MBD1: variants seen among roughly 807,000 people sequenced by gnomAD.
The protein encoded by MBD1 is methyl-CpG binding domain protein 1, also known as methyl-CpG-binding domain protein 1.
MBD1 carries 25 observed loss-of-function variants against 82.6 expected under a neutral mutation model. That is an observed-to-expected ratio of 0.30 (90% CI 0.22 to 0.42). The LOEUF (loss-of-function observed/expected upper bound fraction) is 0.42, where lower values mean the gene tolerates loss of function less well. Ranked by LOEUF, MBD1 falls within the 10% of genes least tolerant of loss-of-function variation. MBD1 has a pLI of 1.00. For missense variants in MBD1, 627 were observed against 819.6 expected, an observed-to-expected ratio of 0.76 and a Z score of 2.87; for synonymous variants, 301 against 303.7, an observed-to-expected ratio of 0.99 and a Z score of 0.09.
intron 16 of MBD1, chr18:50,271,211 C>T: frequency 7.5e-7 from 1 of 1,338,860 alleles, no homozygotes. Flanking sequence ...TTCTCCAACC[C>T]AGCTCCCCCA....
At chr18:50,277,404 T>C (rs1055676743) in intron 2 of MBD1, among the ~76,000 whole-genome samples, 200 bp from the exon 3 acceptor site, 3 of 151,994 alleles carry the variant, frequency 2.0e-5, no homozygotes, top group Non-Finnish European at 4.4e-5. Context: ...TTAGAAACAA[T>C]ATAAATGTAA....
chr18:50,281,569 A>C (rs902419058), upstream of MBD1: 6 of 572,890 alleles, frequency 1.0e-5, no homozygotes, highest in African/African-American at 1.9e-5. Context: ...GCCTCTGGCT[A>C]AGCACCTGCG....
chr18:50,281,681 C>T, upstream of MBD1: 1 of 427,218 alleles, frequency 2.3e-6, no homozygotes, highest in African/African-American at 2.0e-5. Flanking sequence ...GAGCCAGTTG[C>T]ATCTGCGTGC....
intron 8 of MBD1, 25 bp downstream of exon 8, chr18:50,275,575 C>T (rs2037520709): frequency 1.2e-6 from 2 of 1,614,030 alleles, no homozygotes; most frequent in African/African-American, 1.3e-5. Flanking sequence ...GCAGAATGAG[C>T]TCTGCTCCCT....
chr18:50,271,597 A>G, intron 15 of MBD1, 57 bp from the exon 16 acceptor site: 1 of 1,589,706 alleles, frequency 6.3e-7, no homozygotes, highest in Non-Finnish European at 8.6e-7. Flanking sequence ...TGCGCAATGG[A>G]GCATTACAAA....
In MBD1 at chr18:50,269,987, T is replaced by C. The variant is rs1568180019; in HGVS notation, c.*33-169A>G. 4 of 1,590,914 alleles carry C rather than the reference T, an allele frequency of 2.5e-6. No homozygotes were observed. The Admixed American group carries it at 6.7e-5, about 27-fold the overall frequency. On this transcript the variant is annotated intron_variant, in intron 16 of 16. Coordinates refer to ENST00000269468, the MANE Select transcript of MBD1 (RefSeq NM_015846.4). ...TCTGATTGTACCCTAACATAAATGG[T>C]CAGCAGAAGCTTAACTCATGAGTCT...
intron 12 of MBD1, 35 bp downstream of exon 12, chr18:50,273,529 G>A (rs781228535): frequency 1.9e-6 from 3 of 1,613,502 alleles, no homozygotes; most frequent in African/African-American, 2.7e-5. Flanking sequence ...GCAGCTGGGT[G>A]AGGCTGGGAA....
chr18:50,281,249 C>T, intron 1 of MBD1, 114 bp downstream of exon 1: 1 of 1,531,688 alleles, frequency 6.5e-7, no homozygotes, highest in Non-Finnish European at 8.7e-7. Context: ...GCCGCCATTC[C>T]TCCCCCTTAT....
At position 50,276,998 on chromosome 18, in the gene MBD1, C is replaced by A; in HGVS notation, c.226G>T (p.Ala76Ser). Residue 76 changes from alanine to serine, a missense_variant and splice_region_variant, in exon 4 of 17, where the codon GCC becomes TCC. Physicochemically the swap from Ala to Ser is moderately conservative, Grantham distance 99. This residue lies in a region of MBD1 where 75 missense variants were observed against 74.7 expected (regional missense o/e 1.00). Coordinates refer to ENST00000269468, the MANE Select transcript of MBD1 (RefSeq NM_015846.4). ...QGILCYPAPK[A>S]HPVAVASKKR... ...TTGCTGGCAACCGCCACGGGATGGG[C>A]CTGGAAAGTAAGGGAAGGAGGAATA... 1 of 1,614,168 alleles carries A rather than the reference C, an allele frequency of 6.2e-7. No homozygotes were observed. Among genetic ancestry groups the A allele is most frequent in the Middle Eastern group, 1.6e-4 (1 of 6,062 alleles).
chr18:50,270,861 T>A (rs187128842), intron 16 of MBD1: 25 of 198,422 alleles, frequency 1.3e-4, no homozygotes, highest in Non-Finnish European at 1.9e-4. Flanking sequence ...TTTAGTGGAG[T>A]AAAGAACAAG....
rs2036117955 is a variant in MBD1 at position 50,272,736 on chromosome 18, G to A, written c.1719C>T (p.Ile573=). 3 of 1,614,092 alleles carry A rather than the reference G, an allele frequency of 1.9e-6. No homozygotes were observed. Among genetic ancestry groups the A allele is most frequent in the Non-Finnish European group, 2.5e-6 (3 of 1,180,048 alleles). ...TTCCACCCAGGCTGAAAATCTCCGTGATCTAGAGAAGAATTAACACCATAG... is the reference window on the plus strand; with the variant it reads ...TTCCACCCAGGCTGAAAATCTCCGTAATCTAGAGAAGAATTAACACCATAG... ...EEAGGAGTPV[I]TEIFSLGGTR... Residue 573 remains isoleucine (I), a splice_region_variant and synonymous_variant, in exon 15 of 17, where the codon ATC becomes ATT. Transcript: ENST00000269468.
downstream of MBD1, chr18:50,267,213 A>T (rs2034032371): frequency 5.6e-6 from 1 of 177,454 alleles, no homozygotes; most frequent in South Asian, 1.2e-4. Flanking sequence ...TGTTGGAATT[A>T]CAGGGTGCGC....
chr18:50,277,307 T>C (rs1426279334), intron 2 of MBD1, 103 bp from the exon 3 acceptor site: 2 of 906,068 alleles, frequency 2.2e-6, no homozygotes, highest in East Asian at 2.7e-5. Flanking sequence ...CAGCCTGGAA[T>C]TGGCTTGTGA....
At chr18:50,271,100 G>A in intron 16 of MBD1, 1 of 1,081,220 alleles carries the variant, frequency 9.2e-7, no homozygotes, top group Non-Finnish European at 1.1e-6. Context: ...CCCTGAGGAA[G>A]TATGTAGAGA....
Position 50,276,854 on chromosome 18 carries a change from G to A in MBD1, c.370C>T (p.Pro124Ser). The change falls in exon 4 of 17, where the codon CCA (proline) becomes TCA (serine). Residue 124 changes from proline to serine, a missense_variant. Physicochemically the swap from Pro to Ser is moderately conservative, Grantham distance 74. Coordinates refer to ENST00000269468, the MANE Select transcript of MBD1 (RefSeq NM_015846.4). ...CACCCAGGAGCAGGGAATGAAGCTG[G>A]GGCTGTGTCAGTGTCAGCCTTGGTC... The part of the protein sequence containing the change: ...DETKADTDTA[P>S]ASFPAPGCCE... 6.2e-7 allele frequency: 1 copy of A among 1,614,202 alleles called. No individual in the cohort carries two copies. The highest frequency in any genetic ancestry group is 8.5e-7 in the Non-Finnish European group (1 of 1,180,034).
At chr18:50,271,576 G>A (rs746206009) in intron 15 of MBD1, 36 bp from the exon 16 acceptor site, 27 of 1,613,514 alleles carry the variant, frequency 1.7e-5, no homozygotes, top group Non-Finnish European at 2.0e-5. Flanking sequence ...TGTTGAATGA[G>A]GTTTGCTATG....
upstream of MBD1, chr18:50,281,581 A>G (rs75881476): frequency 8.2e-4 from 429 of 525,430 alleles, no homozygotes; most frequent in East Asian, 0.012. Flanking sequence ...GCACCTGCGC[A>G]CTATTGCCTC....
In MBD1 at chr18:50,281,510, T is replaced by C. The variant is rs995549301; in HGVS notation, c.-173A>G. 6 of 579,246 alleles carry C rather than the reference T, an allele frequency of 1.0e-5. No homozygotes were observed. The highest frequency in any genetic ancestry group is 1.8e-5 in the Non-Finnish European group (6 of 326,314). The allele number at this position is 579,246 out of a possible 1,614,324, so 35.9% of individuals were successfully genotyped here. On this transcript the variant is annotated 5_prime_UTR_variant, in exon 1 of 17. Transcript: ENST00000269468. Reference sequence around the variant, plus strand: ...AAGCGGTAGCTGTCGCCTCCGCGGCTGTTCGTTGCTCCCGGAACCGGAAGT... The same window carrying C: ...AAGCGGTAGCTGTCGCCTCCGCGGCCGTTCGTTGCTCCCGGAACCGGAAGT...
chr18:50,275,668 T>C lies in MBD1; in HGVS notation c.724A>G (p.Ile242Val), dbSNP rs1424593931. The C allele has an allele frequency of 6.2e-7, 1 of 1,614,128 alleles. No homozygotes were observed. Among genetic ancestry groups the C allele is most frequent in the Admixed American group, 1.7e-5 (1 of 60,024 alleles). ...CCAGGGCGGGGAGGGCGAAGGCAGA[T>C]GGGGCAATGGCCACAATCCTCTTGG... The part of the protein sequence containing the change: ...QTQEDCGHCP[I>V]CLRPPRPGLR... The change falls in exon 8 of 17, where the codon ATC becomes GTC. Residue 242 changes from isoleucine (I) to valine (V), a missense_variant. Transcript: ENST00000269468.
Sources: allele counts gnomAD v4.1 joint callset (sites outside exome capture counted in the v4.1 genomes callset), GRCh38; gene constraint gnomAD v4.1.1; regional missense constraint gnomAD v4.1.1; transcripts MANE v1.5; gene names NCBI Gene and HGNC (gene_info 2026-07-23, HGNC 2026-07-21).